The following LRMDA variants were observed in gnomAD, a reference collection of about 807,000 sequenced individuals.
LRMDA encodes leucine-rich melanocyte differentiation-associated protein.
In LRMDA, 18 loss-of-function variants were observed where a neutral mutation model predicts 29.8. That is an observed-to-expected ratio of 0.60 (90% CI 0.42 to 0.90). LRMDA has a LOEUF of 0.90. Among genes scored for constraint, LRMDA ranks in the 40% least tolerant of loss-of-function variants. The pLI, the probability that LRMDA is intolerant of heterozygous loss-of-function variation, is 0.00. For synonymous variants in LRMDA, 125 were observed against 109.4 expected, an observed-to-expected ratio of 1.14 and a Z score of -0.89; for missense variants, 273 against 273.9, an observed-to-expected ratio of 1.00 and a Z score of 0.02.
chr10:76,486,628 C>T (rs1011107674), intron 6 of LRMDA, among the ~76,000 whole-genome samples: 3 of 152,022 alleles, frequency 2.0e-5, no homozygotes, highest in Non-Finnish European at 2.9e-5. Flanking sequence ...TACACTGTCA[C>T]ACAGTGGGGA....
chr10:75,982,824 T>C (rs1016939049), intron 2 of LRMDA, among the ~76,000 whole-genome samples: 3 of 152,216 alleles, frequency 2.0e-5, no homozygotes, highest in Non-Finnish European at 4.4e-5. Context: ...AGCTTAATTC[T>C]AGCAGCTTCT....
chr10:75,541,003 T>G (rs926501423), intron 2 of LRMDA, among the ~76,000 whole-genome samples: 1 of 151,826 alleles, frequency 6.6e-6, no homozygotes. Flanking sequence ...AAAAAAACAG[T>G]TTTGGATCTG....
intron 5 of LRMDA, among the ~76,000 whole-genome samples, chr10:76,223,598 C>T (rs2132261507): frequency 6.6e-6 from 1 of 152,194 alleles, no homozygotes; most frequent in South Asian, 2.1e-4. Flanking sequence ...GGATTAATGC[C>T]CTTACCTGTG....
intron 2 of LRMDA, among the ~76,000 whole-genome samples, chr10:75,454,087 G>T (rs953496685): frequency 6.6e-6 from 1 of 152,120 alleles, no homozygotes; most frequent in African/African-American, 2.4e-5. Flanking sequence ...AGCAAGGACT[G>T]CCTGCCTGGA....
At chr10:75,988,969 G>T (rs535846771) in intron 2 of LRMDA, among the ~76,000 whole-genome samples, 371 of 152,260 alleles carry the variant, frequency 2.4e-3, no homozygotes, top group African/African-American at 8.2e-3. Flanking sequence ...TGTTGAGAAT[G>T]ACCCCTTCTC....
chr10:76,219,001 G>A (rs972538427), intron 5 of LRMDA, among the ~76,000 whole-genome samples: 1 of 152,184 alleles, frequency 6.6e-6, no homozygotes, highest in Non-Finnish European at 1.5e-5. Flanking sequence ...GACTAGGAAT[G>A]TTGGGAGGAA....
At position 75,842,697 on chromosome 10, in the gene LRMDA, G is replaced by A. The variant is rs74943162; in HGVS notation, c.132-193311G>A. Among the ~76,000 whole-genome samples the A allele has an allele frequency of 7.9e-4, 120 of 152,270 alleles. No individual in the cohort carries two copies. In the East Asian group the frequency reaches 0.022, roughly 28 times the overall value. ...GTGTTTGTATGTGTGTACATGCTGG[G>A]TCACCATGTCAAATATAACGTGGGT... is the stretch of plus-strand genomic sequence containing the variant. On this transcript the variant is annotated intron_variant, in intron 2 of 6. Coordinates refer to ENST00000611255, the MANE Select transcript of LRMDA (RefSeq NM_001305581.2).
chr10:76,243,553 A>T (rs764642626), intron 5 of LRMDA, among the ~76,000 whole-genome samples: 3 of 152,106 alleles, frequency 2.0e-5, no homozygotes, highest in Non-Finnish European at 2.9e-5. Context: ...CTCCCTGTTG[A>T]TTTTTAGAGG....
At chr10:75,670,244 T>G (rs746933363) in intron 2 of LRMDA, among the ~76,000 whole-genome samples, 3 of 152,248 alleles carry the variant, frequency 2.0e-5, no homozygotes, top group African/African-American at 4.8e-5. Flanking sequence ...ATGAATAACT[T>G]GCAATGTATG....
At chr10:76,067,809 G>A (rs1848809315) in intron 5 of LRMDA, among the ~76,000 whole-genome samples, 2 of 152,322 alleles carry the variant, frequency 1.3e-5, no homozygotes, top group South Asian at 2.1e-4. Context: ...AATCATGATG[G>A]CCTCGGCATC....
intron 2 of LRMDA, among the ~76,000 whole-genome samples, chr10:75,833,483 G>A (rs1370562276): frequency 6.6e-6 from 1 of 151,956 alleles, no homozygotes; most frequent in Non-Finnish European, 1.5e-5. Context: ...TCCCATTGCT[G>A]CTGTAACAAT....
chr10:75,706,867 A>G (rs1461951455), intron 2 of LRMDA, among the ~76,000 whole-genome samples: 1 of 151,966 alleles, frequency 6.6e-6, no homozygotes, highest in Non-Finnish European at 1.5e-5. Context: ...AGACATGTAG[A>G]TAGATGAAGT....
intron 2 of LRMDA, among the ~76,000 whole-genome samples, chr10:75,727,301 G>A (rs543365797): frequency 1.3e-4 from 20 of 152,334 alleles, no homozygotes; most frequent in African/African-American, 2.2e-4. Context: ...TCCTCTGAGC[G>A]TGTGTATGTG....
At chr10:75,911,191 C>T (rs939681646) in intron 2 of LRMDA, among the ~76,000 whole-genome samples, 1 of 152,108 alleles carries the variant, frequency 6.6e-6, no homozygotes, top group African/African-American at 2.4e-5. Context: ...TTGTCCCTCC[C>T]TTTCCTGGTG....
At chr10:75,457,815 A>T (rs974333322) in intron 2 of LRMDA, among the ~76,000 whole-genome samples, 2 of 152,206 alleles carry the variant, frequency 1.3e-5, no homozygotes, top group Non-Finnish European at 2.9e-5. Context: ...TTCCAGGGGA[A>T]AGAGGTGATT....
chr10:75,665,438 T>C (rs1841809973), intron 2 of LRMDA, among the ~76,000 whole-genome samples: 1 of 152,208 alleles, frequency 6.6e-6, no homozygotes, highest in Admixed American at 6.5e-5. Context: ...AAATATCAAT[T>C]GATTTTTAAA....
At chr10:75,773,879 T>C (rs1843274975) in intron 2 of LRMDA, among the ~76,000 whole-genome samples, 1 of 152,246 alleles carries the variant, frequency 6.6e-6, no homozygotes, top group Non-Finnish European at 1.5e-5. Flanking sequence ...GGGCATTTAA[T>C]CAAAGGTAGT....
intron 5 of LRMDA, among the ~76,000 whole-genome samples, chr10:76,319,431 A>G (rs1426429807): frequency 6.6e-6 from 1 of 152,222 alleles, no homozygotes; most frequent in Non-Finnish European, 1.5e-5. Context: ...TCATAATCAA[A>G]GTCAGGGACA....
Position 75,736,492 on chromosome 10 carries a change from C to T in LRMDA, c.131+297998C>T, listed in dbSNP as rs369405696. On this transcript the variant is annotated intron_variant, in intron 2 of 6. Coordinates refer to ENST00000611255, the MANE Select transcript of LRMDA (RefSeq NM_001305581.2). Reference sequence around the variant, plus strand: ...TGCTATTAATTCTCATTGCTCGGTACAGAGGCTTGATTGCATACTGTGAAT... The same window carrying T: ...TGCTATTAATTCTCATTGCTCGGTATAGAGGCTTGATTGCATACTGTGAAT... 9.2e-4 allele frequency among the ~76,000 whole-genome samples: 140 copies of T among 152,266 alleles called. 4 individuals carry two copies. The South Asian group carries it at 0.029, about 31-fold the overall frequency.
Sources: allele counts gnomAD v4.1 joint callset (sites outside exome capture counted in the v4.1 genomes callset), GRCh38; gene constraint gnomAD v4.1.1; transcripts MANE v1.5; gene names NCBI Gene and HGNC (gene_info 2026-07-23, HGNC 2026-07-21).